GGA3: variants seen among roughly 807,000 people sequenced by gnomAD.
GGA3 encodes golgi associated, gamma adaptin ear containing, ARF binding protein 3.
In GGA3, 57 loss-of-function variants were observed where a neutral mutation model predicts 77.5. The ratio of observed to expected loss-of-function variants is 0.74; its 90% CI spans 0.59 to 0.92. GGA3 has a LOEUF of 0.92. Ranked by LOEUF, GGA3 falls within the 40% of genes least tolerant of loss-of-function variation. GGA3 has a pLI of 0.00. For missense variants in GGA3, 970 were observed against 914.9 expected (o/e 1.06, Z -0.78); for synonymous variants, 416 against 383.7 (o/e 1.08, Z -0.98).
At position 75,238,396 on chromosome 17, in the gene GGA3, C is replaced by T. The variant is rs747662084; in HGVS notation, c.2062-7G>A. On this transcript the variant is annotated splice_polypyrimidine_tract_variant and splice_region_variant and intron_variant, in intron 16 of 16. Coordinates refer to ENST00000537686, the MANE Select transcript of GGA3 (RefSeq NM_138619.4). ...ACCGAAGCCGCACCTTCTCCTGTGA[C>T]AGAGGGCAGCAAGTGAGATCCAGCC... 1 of 1,612,194 alleles carries T rather than the reference C, an allele frequency of 6.2e-7. No individual in the cohort carries two copies. Among genetic ancestry groups the T allele is most frequent in the Non-Finnish European group, 8.5e-7 (1 of 1,179,058 alleles).
rs1297700087 is a variant in GGA3 at position 75,238,956 on chromosome 17, G to C, written c.1908C>G (p.Pro636=). 6.2e-7 allele frequency: 1 copy of C among 1,614,044 alleles called. No homozygotes were observed. Among genetic ancestry groups the C allele is most frequent in the Non-Finnish European group, 8.5e-7 (1 of 1,180,038 alleles). Residue 636 remains proline (P), a synonymous_variant, in exon 15 of 17, where the codon CCC becomes CCG. Transcript: ENST00000537686. ...GCAGCACGATGCTCTTGACAGGTAA[G>C]GGAGCCGTGTTCAGCATGGACACCA... ...VVVVSMLNTA[P]LPVKSIVLQA...
At chr17:75,261,835 C>T (rs1282798615), upstream of GGA3, 1 of 1,524,864 alleles carries the variant, frequency 6.6e-7, no homozygotes. Flanking sequence ...TCTTTTTCAC[C>T]CGTTTCCCGT....
At chr17:75,247,130 A>G (rs1278440220) in intron 1 of GGA3, among the ~76,000 whole-genome samples, 3 of 152,240 alleles carry the variant, frequency 2.0e-5, no homozygotes, top group Non-Finnish European at 2.9e-5. Context: ...TGAAACATGT[A>G]AAGATAATAA....
Position 75,238,542 on chromosome 17 carries a change from G to GT in GGA3, c.2061+109dup, listed in dbSNP as rs201566474. ...ACTTAACCTAAGGCAGCAAAGGGAT[G>GT]TGTCAATCCTACAGTCAAAACACTT... On this transcript the variant is annotated intron_variant, in intron 16 of 16. Coordinates refer to ENST00000537686, the MANE Select transcript of GGA3 (RefSeq NM_138619.4). 8,139 of 979,050 alleles carry GT rather than the reference G, an allele frequency of 8.3e-3. 530 individuals carry two copies. In the Admixed American group the frequency reaches 0.13, roughly 15 times the overall value. 60.6% of individuals were successfully genotyped at this position (979,050 alleles called of 1,614,324 possible).
chr17:75,245,383 T>C (rs1000311939), intron 3 of GGA3, among the ~76,000 whole-genome samples: 2 of 152,162 alleles, frequency 1.3e-5, no homozygotes, highest in Admixed American at 1.3e-4. Flanking sequence ...CTGCACTTTA[T>C]AGGGTGTCGA....
chr17:75,241,930 C>T lies in GGA3; in HGVS notation c.748-234G>A, dbSNP rs190536794. 5.2e-4 allele frequency: 302 copies of T among 579,976 alleles called. 3 individuals carry two copies. Among genetic ancestry groups the T allele is most frequent in the Middle Eastern group, 2.3e-3 (5 of 2,148 alleles). 35.9% of individuals were successfully genotyped at this position (579,976 alleles called of 1,614,324 possible). ...CAGGATGGGTCAGGGGAAGTCAGTC[C>T]CCTCCTGCCTTCCAGGCTGGCATGT... On this transcript the variant is annotated intron_variant, in intron 8 of 16. Coordinates refer to ENST00000537686, the MANE Select transcript of GGA3 (RefSeq NM_138619.4).
At chr17:75,249,565 G>C (rs2076889038) in intron 1 of GGA3, among the ~76,000 whole-genome samples, 1 of 152,180 alleles carries the variant, frequency 6.6e-6, no homozygotes, top group African/African-American at 2.4e-5. Flanking sequence ...AATTTCCTCA[G>C]GCATTAGCGT....
chr17:75,240,388 A>G lies in GGA3; in HGVS notation c.1217T>C (p.Val406Ala). The change falls in exon 12 of 17, where the codon GTT becomes GCT. Residue 406 changes from valine to alanine, a missense_variant. Coordinates refer to ENST00000537686, the MANE Select transcript of GGA3 (RefSeq NM_138619.4). Reference sequence around the variant, plus strand: ...GTTCCCAGCTGACTCTTTGGGAGGAACATTAGGGGCTGGGTCGGCGAGGCC... The same window carrying G: ...GTTCCCAGCTGACTCTTTGGGAGGAGCATTAGGGGCTGGGTCGGCGAGGCC... ...CLGLADPAPN[V>A]PPKESAGNSQ... is the part of the protein sequence containing the mutation. 1 of 1,600,598 alleles carries G rather than the reference A, an allele frequency of 6.2e-7. No homozygotes were observed. The highest frequency in any genetic ancestry group is 1.3e-5 in the African/African-American group (1 of 74,970).
chr17:75,249,607 A>C (rs1434776106), intron 1 of GGA3, among the ~76,000 whole-genome samples: 1 of 152,212 alleles, frequency 6.6e-6, no homozygotes, highest in African/African-American at 2.4e-5. Flanking sequence ...CAGGTGCTTA[A>C]AGTTCTCACA....
intron 1 of GGA3, among the ~76,000 whole-genome samples, chr17:75,259,215 A>G (rs2077261809): frequency 6.6e-6 from 1 of 151,996 alleles, no homozygotes; most frequent in Non-Finnish European, 1.5e-5. Flanking sequence ...CGGCCTCCCA[A>G]CGTGCTGGGA....
intron 1 of GGA3, chr17:75,248,816 C>CCAA: frequency 5.9e-6 from 4 of 674,590 alleles, no homozygotes; most frequent in Non-Finnish European, 6.5e-6. Flanking sequence ...ACAAAAAAAA[C>CCAA]AAAACAAAAA....
At chr17:75,239,131 CAACA>C in intron 14 of GGA3, 48 bp from the exon 15 acceptor site, 2 of 1,553,418 alleles carry the variant, frequency 1.3e-6, no homozygotes, top group Non-Finnish European at 1.8e-6. Context: ...CAGAGACACC[CAACA>C]GAGCCCCGGC....
In GGA3 at chr17:75,237,160, G is replaced by A. The variant is rs936726255; in HGVS notation, c.*1119C>T. On this transcript the variant is annotated 3_prime_UTR_variant, in exon 17 of 17. Transcript: ENST00000537686. ...GAGTGGCTGGGACAAGCTGGCGGGG[G>A]CCAAGCACTGTTGAAGCAATAGGGT... is the stretch of plus-strand genomic sequence containing the variant. 7 of 436,172 alleles carry A rather than the reference G, an allele frequency of 1.6e-5. No individual in the cohort carries two copies. Among genetic ancestry groups the A allele is most frequent in the East Asian group, 3.8e-5 (1 of 26,146 alleles). The allele number at this position is 436,172 out of a possible 1,614,324, so 27.0% of individuals were successfully genotyped here.
intron 1 of GGA3, among the ~76,000 whole-genome samples, chr17:75,254,438 C>G (rs532660303): frequency 6.6e-6 from 1 of 152,172 alleles, no homozygotes; most frequent in Non-Finnish European, 1.5e-5. Context: ...TTTCTTTATC[C>G]CAAATCAGAA....
intron 1 of GGA3, among the ~76,000 whole-genome samples, chr17:75,258,976 C>T (rs531422860): frequency 2.1e-4 from 29 of 139,246 alleles, no homozygotes; most frequent in African/African-American, 7.3e-4. Flanking sequence ...TTTTTGGAGA[C>T]GGAGTCTCGC....
Position 75,239,481 on chromosome 17 carries a change from G to T in GGA3, c.1674C>A (p.Gly558=). 1.3e-6 allele frequency: 2 copies of T among 1,580,586 alleles called. No individual in the cohort carries two copies. The highest frequency in any genetic ancestry group is 1.7e-6 in the Non-Finnish European group (2 of 1,169,882). Residue 558 remains glycine, a synonymous_variant, in exon 14 of 17, where the codon GGC becomes GGA. Coordinates refer to ENST00000537686, the MANE Select transcript of GGA3 (RefSeq NM_138619.4). ...RPLLPFSTGP[G]SPLFQPLSFQ... ...AACTCAGTGGCTGGAAGAGCGGGCT[G>T]CCGGGCCCCGTGGAGAAGGGCAGGA...
intron 16 of GGA3, 22 bp from the exon 17 acceptor site, chr17:75,238,411 G>C: frequency 6.2e-7 from 1 of 1,604,470 alleles, no homozygotes; most frequent in Non-Finnish European, 8.5e-7. Flanking sequence ...GGCAGCAAGT[G>C]AGATCCAGCC....
intron 7 of GGA3, 115 bp from the exon 8 acceptor site, chr17:75,242,588 G>C: frequency 7.9e-7 from 1 of 1,259,622 alleles, no homozygotes; most frequent in Non-Finnish European, 1.1e-6. Flanking sequence ...GCTCCTTTCA[G>C]TGTGGGGTGC....
rs1311860483 is a variant in GGA3, at chr17:75,261,601, G to A, written c.-14C>T. The A allele has an allele frequency of 3.9e-6, 6 of 1,539,160 alleles. No individual in the cohort carries two copies. Among genetic ancestry groups the A allele is most frequent in the African/African-American group, 2.8e-5 (2 of 71,778 alleles). On this transcript the variant is annotated 5_prime_UTR_variant, in exon 1 of 17. Coordinates refer to ENST00000537686, the MANE Select transcript of GGA3 (RefSeq NM_138619.4). ...CGCCTCCGCCATATTGCAGCCGCCC[G>A]GCCCCGCGGCTTCAAAACTCGCGAG...
Sources: allele counts gnomAD v4.1 joint callset (sites outside exome capture counted in the v4.1 genomes callset), GRCh38; gene constraint gnomAD v4.1.1; transcripts MANE v1.5; gene names NCBI Gene and HGNC (gene_info 2026-07-23, HGNC 2026-07-21).